The following ANO1 variants were observed in gnomAD, a reference collection of about 807,000 sequenced individuals.
The protein encoded by ANO1 is anoctamin-1.
A neutral mutation model predicts 124.0 loss-of-function variants in ANO1; 59 were observed. The observed-to-expected ratio is 0.48, with a 90% confidence interval of 0.39 to 0.59. The LOEUF (loss-of-function observed/expected upper bound fraction) is 0.59, where lower values mean the gene tolerates loss of function less well. Ranked by LOEUF, ANO1 falls within the 20% of genes least tolerant of loss-of-function variation. The pLI, the probability that ANO1 is intolerant of heterozygous loss-of-function variation, is 0.00. For missense variants in ANO1, 1,059 were observed against 1,328.0 expected (o/e 0.80, Z 3.15); for synonymous variants, 529 against 532.0 (o/e 0.99, Z 0.08).
intron 24 of ANO1, among the ~76,000 whole-genome samples, chr11:70,185,002 C>T (rs1214587988): frequency 5.3e-5 from 8 of 152,182 alleles, no homozygotes; most frequent in Admixed American, 5.2e-4. Context: ...GCTGAGGTTA[C>T]AGGCACGAGC....
chr11:70,152,354 A>T, intron 12 of ANO1, 96 bp from the exon 13 acceptor site: 1 of 1,057,286 alleles, frequency 9.5e-7, no homozygotes, highest in Non-Finnish European at 1.4e-6. Flanking sequence ...AAAAAAAAAA[A>T]AAAGTTGTCC....
intron 15 of ANO1, 114 bp from the exon 16 acceptor site, chr11:70,156,833 G>A (rs1475822569): frequency 3.5e-6 from 3 of 865,986 alleles, no homozygotes; most frequent in African/African-American, 3.4e-5. Context: ...GAGTATTTCT[G>A]TTGTTCAAGT....
the ANO1 span, among the ~76,000 whole-genome samples, chr11:69,974,887 TAAAAA>T: frequency 3.6e-4 from 46 of 127,632 alleles, no homozygotes; most frequent in Admixed American, 4.6e-4. Flanking sequence ...CCTCCGTCTC[TAAAAA>T]AAAAAAAAAA....
At chr11:70,176,469 C>G (rs992270102) in intron 22 of ANO1, among the ~76,000 whole-genome samples, 2 of 152,032 alleles carry the variant, frequency 1.3e-5, no homozygotes, top group African/African-American at 4.8e-5. Context: ...TTCTGATTGT[C>G]AATTGGTTGA....
intron 11 of ANO1, among the ~76,000 whole-genome samples, chr11:70,144,010 C>A (rs995216399): frequency 6.6e-6 from 1 of 152,154 alleles, no homozygotes; most frequent in South Asian, 2.1e-4. Context: ...CAGCCCCTGG[C>A]AACTACCAAT....
At chr11:70,033,642 A>T (rs574835706) in intron 1 of ANO1, among the ~76,000 whole-genome samples, 38 of 152,188 alleles carry the variant, frequency 2.5e-4, no homozygotes, top group African/African-American at 8.9e-4. Flanking sequence ...TGGCTGCAGG[A>T]GCACATGGAT....
rs2044105142 is a variant in ANO1, at chr11:70,078,702, G to C, written c.96G>C (p.Pro32=). The change falls in exon 1 of 26, where the codon CCG becomes CCC. Residue 32 remains proline (P), a synonymous_variant. Coordinates refer to ENST00000355303, the MANE Select transcript of ANO1 (RefSeq NM_018043.7). ...CCATCGAGGACATCGGCTACCTGCC[G>C]TCCGAGGGCACGGTGAGTGCGGGCG... ...ICAIEDIGYL[P]SEGTLLNSLS... 2.6e-5 allele frequency: 38 copies of C among 1,484,640 alleles called. No homozygotes were observed. The highest frequency in any genetic ancestry group is 3.4e-5 in the Non-Finnish European group (38 of 1,105,838). The allele number at this position is 1,484,640 out of a possible 1,614,324, so 92.0% of individuals were successfully genotyped here. A position where few individuals can be genotyped will look rare whatever the true frequency, so the allele number is the denominator to read the frequency against.
intron 7 of ANO1, among the ~76,000 whole-genome samples, chr11:70,114,034 T>G (rs1487561684): frequency 6.6e-6 from 1 of 152,224 alleles, no homozygotes; most frequent in African/African-American, 2.4e-5. Flanking sequence ...TTAAATTGAC[T>G]GGCGCAAAAC....
At chr11:69,978,566 G>T in the ANO1 span, among the ~76,000 whole-genome samples, 1 of 152,152 alleles carries the variant, frequency 6.6e-6, no homozygotes, top group South Asian at 2.1e-4. Flanking sequence ...TCCCAGGCTG[G>T]TCTCCAAATC....
At chr11:70,114,922 C>G (rs112795368) in intron 7 of ANO1, among the ~76,000 whole-genome samples, 1 of 152,186 alleles carries the variant, frequency 6.6e-6, no homozygotes, top group Non-Finnish European at 1.5e-5. Context: ...GTGTATCACC[C>G]GTACTGAAAG....
chr11:70,132,171 C>T (rs1327815243), intron 11 of ANO1, 92 bp downstream of exon 11: 2 of 1,434,990 alleles, frequency 1.4e-6, no homozygotes, highest in Non-Finnish European at 1.9e-6. Context: ...AAATCATCCT[C>T]AGGCAGGGGT....
rs1270827780 is a variant in ANO1, at chr11:70,111,690, C to T, written c.800-17C>T. On this transcript the variant is annotated splice_polypyrimidine_tract_variant and intron_variant, in intron 6 of 25. Coordinates refer to ENST00000355303, the MANE Select transcript of ANO1 (RefSeq NM_018043.7). ...ACCCGCCTGCCCCATAACCTTCTCT[C>T]TGCCTCTGTTTTTAAGGCATCACGA... 3 of 1,613,924 alleles carry T rather than the reference C, an allele frequency of 1.9e-6. No homozygotes were observed. In the East Asian group the frequency reaches 6.7e-5, roughly 36 times the overall value.
intron 7 of ANO1, among the ~76,000 whole-genome samples, chr11:70,113,338 G>C (rs2155459): frequency 0.97 from 148,360 of 152,296 alleles, 72,392 homozygotes; most frequent in East Asian, 1. Flanking sequence ...GGTGTTGATT[G>C]AGATTGGATT....
upstream of ANO1, among the ~76,000 whole-genome samples, chr11:69,985,604 C>T (rs1554996779): frequency 6.6e-6 from 1 of 152,196 alleles, no homozygotes; most frequent in African/African-American, 2.4e-5. Context: ...CTGTAGTCAA[C>T]ACCCCTTCCC....
At chr11:69,988,946 A>G (rs1406782181) in intron 1 of ANO1, among the ~76,000 whole-genome samples, 1 of 151,362 alleles carries the variant, frequency 6.6e-6, no homozygotes, top group Non-Finnish European at 1.5e-5. Flanking sequence ...GGAAGGAAAG[A>G]AGGAAGGAAG....
At chr11:70,046,630 T>C (rs1018836234) in intron 1 of ANO1, among the ~76,000 whole-genome samples, 2 of 152,008 alleles carry the variant, frequency 1.3e-5, no homozygotes, top group Non-Finnish European at 2.9e-5. Context: ...TCCTGGAGGA[T>C]TTTGCTCTTC....
the ANO1 span, among the ~76,000 whole-genome samples, chr11:69,980,614 G>A: frequency 0.076 from 11,356 of 150,182 alleles, 753 homozygotes; most frequent in Admixed American, 0.14. Flanking sequence ...GAGTAAGACT[G>A]TCTCAAAAAA....
At chr11:70,161,441 T>A in intron 17 of ANO1, 79 bp downstream of exon 17, 1 of 1,521,472 alleles carries the variant, frequency 6.6e-7, no homozygotes, top group South Asian at 1.1e-5. Flanking sequence ...CATCCTTGAG[T>A]TTGTTGCTTA....
chr11:70,076,626 TA>T (rs2044061489), upstream of ANO1, among the ~76,000 whole-genome samples: 1 of 152,176 alleles, frequency 6.6e-6, no homozygotes, highest in Admixed American at 6.5e-5. Context: ...CTTGAACTTT[TA>T]AGGAGCAGAG....
Sources: gnomAD v4.1 joint callset for allele counts (sites outside exome capture counted in the v4.1 genomes callset) on GRCh38, gnomAD v4.1.1 for gene constraint, MANE v1.5 for transcripts, NCBI Gene and HGNC (gene_info 2026-07-23, HGNC 2026-07-21) for gene names.